The following USP49 variants were observed in gnomAD, a reference collection of about 807,000 sequenced individuals.
USP49 encodes the protein ubiquitin specific peptidase 49, also known as ubiquitin carboxyl-terminal hydrolase 49.
A neutral mutation model predicts 58.6 loss-of-function variants in USP49; 24 were observed. The observed-to-expected ratio is 0.41, with a 90% confidence interval of 0.30 to 0.58. The LOEUF (loss-of-function observed/expected upper bound fraction) is 0.58. Ranked by LOEUF, USP49 falls within the 20% of genes least tolerant of loss-of-function variation. The pLI is 0.30. For missense variants in USP49, 703 were observed against 866.1 expected, an observed-to-expected ratio of 0.81 and a Z score of 2.36; for synonymous variants, 408 against 365.1, an observed-to-expected ratio of 1.12 and a Z score of -1.34.
At chr6:41,846,880 C>G (rs1452681542) in intron 3 of USP49, among the ~76,000 whole-genome samples, 1 of 152,154 alleles carries the variant, frequency 6.6e-6, no homozygotes, top group African/African-American at 2.4e-5. Flanking sequence ...TCTCATATGA[C>G]TCAGAATACT....
chr6:41,893,135 T>A (rs1469198116), intron 1 of USP49, among the ~76,000 whole-genome samples: 1 of 152,170 alleles, frequency 6.6e-6, no homozygotes, highest in Non-Finnish European at 1.5e-5. Context: ...TACAGAGATG[T>A]TTTTCCATCA....
At position 41,805,945 on chromosome 6, in the gene USP49, T is replaced by C. The variant is rs1773109405; in HGVS notation, c.1039A>G (p.Asn347Asp). 10 of 1,613,882 alleles carry C rather than the reference T, an allele frequency of 6.2e-6. No homozygotes were observed. Among genetic ancestry groups the C allele is most frequent in the Non-Finnish European group, 7.6e-6 (9 of 1,180,022 alleles). ...ATGTGCTTTGAACTCGGCTCCTTGTTCTGGATGAGCTCCAGACTCCGACTA... is the reference window on the plus strand; with the variant it reads ...ATGTGCTTTGAACTCGGCTCCTTGTCCTGGATGAGCTCCAGACTCCGACTA... ...SISRSLELIQ[N>D]KEPSSKHISL... Residue 347 changes from asparagine to aspartate, a missense_variant, in exon 4 of 8, where the codon AAC becomes GAC. Around this residue, in one of 6 missense-constraint regions of USP49, gnomAD observed 97 missense variants for 88.0 expected, o/e 1.10. Coordinates refer to ENST00000682992, the MANE Select transcript of USP49 (RefSeq NM_001286554.2).
intron 3 of USP49, among the ~76,000 whole-genome samples, chr6:41,849,239 A>C (rs1454781251): frequency 1.3e-5 from 2 of 152,226 alleles, no homozygotes; most frequent in Non-Finnish European, 2.9e-5. Flanking sequence ...TAAAAGGGTA[A>C]ACCAGGAAGA....
chr6:41,850,171 G>A (rs991140659), intron 3 of USP49, among the ~76,000 whole-genome samples: 6 of 152,032 alleles, frequency 3.9e-5, no homozygotes, highest in Admixed American at 1.3e-4. Flanking sequence ...GTCCAGGTGC[G>A]GTGGCTCATG....
chr6:41,848,089 C>T (rs1037702847), intron 3 of USP49, among the ~76,000 whole-genome samples: 1 of 152,096 alleles, frequency 6.6e-6, no homozygotes, highest in Non-Finnish European at 1.5e-5. Flanking sequence ...CCAGCAGAAA[C>T]TCCAAAGAAG....
At chr6:41,818,162 A>G (rs990219323) in intron 3 of USP49, among the ~76,000 whole-genome samples, 1 of 152,186 alleles carries the variant, frequency 6.6e-6, no homozygotes, top group African/African-American at 2.4e-5. Context: ...AAAGCTAATA[A>G]GCAAGCTGGC....
chr6:41,811,138 A>C (rs967453441), intron 3 of USP49, among the ~76,000 whole-genome samples: 4 of 152,170 alleles, frequency 2.6e-5, no homozygotes, highest in Non-Finnish European at 4.4e-5. Context: ...TCTTTATATA[A>C]GAAACCCTCA....
In USP49 at chr6:41,803,366, C is replaced by T. The variant is rs778583255; in HGVS notation, c.1561+440G>A. ...TTGCCCAGGCTGGAGTGCAATGGCG[C>T]AATCTTGGCTCACTGCACCCTCCGC... On this transcript the variant is annotated intron_variant, in intron 5 of 7. Transcript: ENST00000682992. The surrounding 1 kb of genome is among the most constrained non-coding windows in gnomAD (Gnocchi z 4.1). 1.3e-5 allele frequency among the ~76,000 whole-genome samples: 2 copies of T among 152,168 alleles called. No homozygotes were observed. The highest frequency in any genetic ancestry group is 2.9e-5 in the Non-Finnish European group (2 of 68,020).
intron 5 of USP49, among the ~76,000 whole-genome samples, chr6:41,802,477 TTA>T (rs1401172570): frequency 0.028 from 2,697 of 95,006 alleles, 249 homozygotes; most frequent in South Asian, 0.063. Flanking sequence ...TATTTTTTAT[TTA>T]TTTTTTTTTT....
intron 3 of USP49, among the ~76,000 whole-genome samples, chr6:41,838,983 T>C (rs917416017): frequency 1.3e-5 from 2 of 152,128 alleles, no homozygotes; most frequent in Non-Finnish European, 2.9e-5. Context: ...GGGTCAACAA[T>C]GAAATCAAGA....
intron 2 of USP49, among the ~76,000 whole-genome samples, chr6:41,875,295 C>G (rs960480427): frequency 2.0e-5 from 3 of 151,930 alleles, no homozygotes; most frequent in Non-Finnish European, 4.4e-5. Context: ...ACATTTAAGT[C>G]AGTAAATAAC....
intron 6 of USP49, 152 bp from the exon 7 acceptor site, chr6:41,799,081 T>C (rs1223692191): frequency 7.9e-6 from 1 of 127,032 alleles, no homozygotes; most frequent in East Asian, 3.3e-4. Context: ...TGTTCACACT[T>C]ATTTATTTAT....
At chr6:41,855,547 A>G (rs190591254) in intron 3 of USP49, among the ~76,000 whole-genome samples, 7 of 152,256 alleles carry the variant, frequency 4.6e-5, no homozygotes, top group African/African-American at 1.4e-4. Context: ...AAAGAAAAGT[A>G]CTTTTATTAT....
chr6:41,852,145 G>A (rs564099715), intron 3 of USP49, among the ~76,000 whole-genome samples: 10 of 151,908 alleles, frequency 6.6e-5, no homozygotes, highest in Non-Finnish European at 1.5e-4. Context: ...GACCAACATG[G>A]TAAAACCCCA....
chr6:41,862,425 G>C (rs1456401076), intron 3 of USP49, among the ~76,000 whole-genome samples: 2 of 152,010 alleles, frequency 1.3e-5, no homozygotes, highest in African/African-American at 4.8e-5. Flanking sequence ...AGTGAATATT[G>C]ATCTATTTTT....
intron 3 of USP49, among the ~76,000 whole-genome samples, chr6:41,866,552 T>C (rs927446780): frequency 9.9e-5 from 15 of 152,188 alleles, no homozygotes; most frequent in Non-Finnish European, 1.8e-4. Flanking sequence ...TTGGTACATA[T>C]CAGTGGGAGA....
chr6:41,840,342 C>T lies in USP49; in HGVS notation c.-29+31222G>A, dbSNP rs960835459. On this transcript the variant is annotated intron_variant, in intron 3 of 7. Transcript: ENST00000682992. ...TGAGCCGAGATTACACCACTGCACT[C>T]CAGCCTGGGCGACCGAGCAAAACTC... is the stretch of plus-strand genomic sequence containing the variant. Among the ~76,000 whole-genome samples the T allele has an allele frequency of 6.0e-5, 9 of 149,644 alleles. No homozygotes were observed. The East Asian group carries it at 1.2e-3, about 20-fold the overall frequency.
At chr6:41,830,103 C>T (rs1773609281) in intron 3 of USP49, among the ~76,000 whole-genome samples, 1 of 152,116 alleles carries the variant, frequency 6.6e-6, no homozygotes, top group African/African-American at 2.4e-5. Context: ...TGTTTCAAAT[C>T]CATTTTTAGA....
intron 2 of USP49, among the ~76,000 whole-genome samples, chr6:41,872,264 G>C (rs1774423051): frequency 6.6e-6 from 1 of 152,240 alleles, no homozygotes; most frequent in African/African-American, 2.4e-5. Flanking sequence ...AGATCGGCAA[G>C]CTGGGCCACC....
Sources: gnomAD v4.1 joint callset for allele counts (sites outside exome capture counted in the v4.1 genomes callset) on GRCh38, gnomAD v4.1.1 for gene constraint, gnomAD v4.1.1 regional missense constraint, Gnocchi (gnomAD v3.1) non-coding constraint, MANE v1.5 for transcripts, NCBI Gene and HGNC (gene_info 2026-07-23, HGNC 2026-07-21) for gene names.